The following ARHGEF12 variants were observed in gnomAD, a reference collection of about 807,000 sequenced individuals.
ARHGEF12 encodes the protein Rho guanine nucleotide exchange factor 12, also known as KMT2A/ARHGEF12 fusion protein.
ARHGEF12 carries 66 observed loss-of-function variants against 211.2 expected under a neutral mutation model. The observed-to-expected ratio is 0.31, with a 90% CI of 0.26 to 0.38. The LOEUF is 0.38. Among genes scored for constraint, ARHGEF12 ranks in the 10% least tolerant of loss-of-function variants. The pLI is 1.00. For synonymous variants in ARHGEF12, 592 were observed against 638.4 expected (o/e 0.93, Z 1.09); for missense variants, 1,429 against 1,869.5 (o/e 0.76, Z 4.34).
rs963007055 is a variant in ARHGEF12 at position 120,406,128 on chromosome 11, A to G, written c.43A>G (p.Lys15Glu). 1 of 1,539,812 alleles carries G rather than the reference A, an allele frequency of 6.5e-7. No individual in the cohort carries two copies. Among genetic ancestry groups the G allele is most frequent in the Non-Finnish European group, 8.7e-7 (1 of 1,147,868 alleles). ...TTTTCTTTGTTTCAGGTTTCCCCTC[A>G]AAAAACCTATAAGGTAAGTTTGCTC... ...QSTITDRFPLKKPIRHGSILN... is the reference protein window; with the variant it reads ...QSTITDRFPLEKPIRHGSILN... Residue 15 changes from lysine (K) to glutamate (E), a missense_variant, in exon 2 of 41, where the codon AAA (lysine) becomes GAA (glutamate). Physicochemically the swap from Lys to Glu is moderately conservative, Grantham distance 56. This residue lies in a region of ARHGEF12 where 41 missense variants were observed against 48.6 expected (regional missense o/e 0.84). Transcript: ENST00000397843.
At chr11:120,471,177 T>G (rs1278581739) in intron 30 of ARHGEF12, among the ~76,000 whole-genome samples, 1 of 152,180 alleles carries the variant, frequency 6.6e-6, no homozygotes, top group South Asian at 2.1e-4. Context: ...TTATAGCAAC[T>G]TTATTCATAA....
chr11:120,433,819 G>C (rs181166896), intron 11 of ARHGEF12, among the ~76,000 whole-genome samples: 1 of 152,252 alleles, frequency 6.6e-6, no homozygotes, highest in Non-Finnish European at 1.5e-5. Context: ...TTAACTGGGT[G>C]TGGTGGCACA....
intron 1 of ARHGEF12, among the ~76,000 whole-genome samples, chr11:120,395,974 G>C (rs1944372132): frequency 6.6e-6 from 1 of 152,096 alleles, no homozygotes; most frequent in Non-Finnish European, 1.5e-5. Context: ...AGCGCACCCA[G>C]CTCCTGGATC....
chr11:120,479,732 C>T (rs769065017), intron 37 of ARHGEF12, among the ~76,000 whole-genome samples: 2 of 152,050 alleles, frequency 1.3e-5, no homozygotes, highest in South Asian at 2.1e-4. Flanking sequence ...TTTAGTTTAA[C>T]GTTAAATCTT....
At chr11:120,375,917 C>A (rs1407483570) in intron 1 of ARHGEF12, among the ~76,000 whole-genome samples, 1 of 151,962 alleles carries the variant, frequency 6.6e-6, no homozygotes, top group Admixed American at 6.6e-5. Context: ...GTAGGATGCC[C>A]CTATATTAGA....
chr11:120,362,657 A>T (rs996840501), intron 1 of ARHGEF12, among the ~76,000 whole-genome samples: 3 of 152,196 alleles, frequency 2.0e-5, no homozygotes, highest in Non-Finnish European at 2.9e-5. Flanking sequence ...TATACAAAAC[A>T]ATTATTATTT....
At chr11:120,415,175 GT>G (rs775158353) in intron 4 of ARHGEF12, among the ~76,000 whole-genome samples, 9 of 151,326 alleles carry the variant, frequency 5.9e-5, no homozygotes, top group South Asian at 2.1e-4. Context: ...TGGTTTTTGG[GT>G]TTTTTTTTAA....
At chr11:120,361,732 C>G (rs1346607320) in intron 1 of ARHGEF12, among the ~76,000 whole-genome samples, 1 of 152,182 alleles carries the variant, frequency 6.6e-6, no homozygotes, top group Non-Finnish European at 1.5e-5. Context: ...GTTCTAGTTT[C>G]ACATTTATCT....
At chr11:120,409,264 G>A in intron 3 of ARHGEF12, 130 bp from the exon 4 acceptor site, 2 of 795,408 alleles carry the variant, frequency 2.5e-6, no homozygotes, top group Non-Finnish European at 4.1e-6. Context: ...GCTGTCATCT[G>A]TTATGTTCAT....
chr11:120,446,344 C>T, intron 16 of ARHGEF12, 59 bp from the exon 17 acceptor site: 2 of 1,338,832 alleles, frequency 1.5e-6, no homozygotes, highest in South Asian at 1.4e-5. Flanking sequence ...TGCTATGTTG[C>T]CAATTGTATG....
rs749219008 is a variant in ARHGEF12, at chr11:120,480,030, A to G, written c.3837A>G (p.Gln1279=). 3 of 1,614,066 alleles carry G rather than the reference A, an allele frequency of 1.9e-6. No individual in the cohort carries two copies. Among genetic ancestry groups the G allele is most frequent in the Non-Finnish European group, 2.5e-6 (3 of 1,180,036 alleles). Reference sequence around the variant, plus strand: ...AGAAGAGCGTTCAGGAAGACTGGCAACATTTCCCAAGATACAGAACAGCCT... The same window carrying G: ...AGAAGAGCGTTCAGGAAGACTGGCAGCATTTCCCAAGATACAGAACAGCCT... The part of the protein sequence containing the change: ...LTEKSVQEDW[Q]HFPRYRTASQ... Residue 1279 remains glutamine (Q), a synonymous_variant, in exon 38 of 41, where the codon CAA becomes CAG. Coordinates refer to ENST00000397843, the MANE Select transcript of ARHGEF12 (RefSeq NM_015313.3).
At chr11:120,455,996 G>A (rs1016452766) in intron 22 of ARHGEF12, among the ~76,000 whole-genome samples, 1 of 152,164 alleles carries the variant, frequency 6.6e-6, no homozygotes, top group South Asian at 2.1e-4. Context: ...GTGGCCCATG[G>A]ATTGCATCAT....
chr11:120,337,719 C>T (rs189964834), intron 1 of ARHGEF12: 2 of 985,264 alleles, frequency 2.0e-6, no homozygotes, highest in Admixed American at 1.2e-4. Flanking sequence ...TAATGTTGAG[C>T]CTACTGCATG....
At chr11:120,484,571 T>C (rs901226761) in intron 40 of ARHGEF12, 64 bp downstream of exon 40, 23 of 1,399,076 alleles carry the variant, frequency 1.6e-5, no homozygotes, top group African/African-American at 4.3e-5. Context: ...AAATGACTTA[T>C]CATACTTTGA....
At chr11:120,446,570 A>G (rs1946053748) in intron 17 of ARHGEF12, 62 bp downstream of exon 17, 2 of 1,325,090 alleles carry the variant, frequency 1.5e-6, no homozygotes, top group Non-Finnish European at 2.1e-6. Context: ...TTAGTTAAGA[A>G]AAAGTTGCTC....
Position 120,428,328 on chromosome 11 carries a change from C to T in ARHGEF12, c.585+81C>T, listed in dbSNP as rs867492690. 402 of 1,187,170 alleles carry T rather than the reference C, an allele frequency of 3.4e-4. 2 individuals carry two copies. Among genetic ancestry groups the T allele is most frequent in the Middle Eastern group, 2.3e-4 (1 of 4,400 alleles). The allele number at this position is 1,187,170 out of a possible 1,614,324, so 73.5% of individuals were successfully genotyped here. The stretch of plus-strand genomic sequence containing the variant: ...TTTATATGGAGAGTTTTCAAGTATT[C>T]GGCTGATGAACTAATTAAATTTAAG... On this transcript the variant is annotated intron_variant, in intron 8 of 40. Coordinates refer to ENST00000397843, the MANE Select transcript of ARHGEF12 (RefSeq NM_015313.3).
At chr11:120,449,773 C>T (rs1591607102) in intron 21 of ARHGEF12, 1 of 151,280 alleles carries the variant, frequency 6.6e-6, no homozygotes. Flanking sequence ...TGTCAAATGT[C>T]CGTAACATAG....
At chr11:120,350,844 T>C (rs1326346699) in intron 1 of ARHGEF12, among the ~76,000 whole-genome samples, 1 of 152,138 alleles carries the variant, frequency 6.6e-6, no homozygotes, top group Non-Finnish European at 1.5e-5. Context: ...TATCAGTCTC[T>C]TGGAAATAGC....
At chr11:120,381,534 A>T (rs1436516481) in intron 1 of ARHGEF12, among the ~76,000 whole-genome samples, 3 of 152,176 alleles carry the variant, frequency 2.0e-5, no homozygotes, top group Non-Finnish European at 2.9e-5. Flanking sequence ...TTGTTAGGTA[A>T]GCTCCTTTTT....
Sources: allele counts gnomAD v4.1 joint callset (sites outside exome capture counted in the v4.1 genomes callset), GRCh38; gene constraint gnomAD v4.1.1; regional missense constraint gnomAD v4.1.1; transcripts MANE v1.5; gene names NCBI Gene and HGNC (gene_info 2026-07-23, HGNC 2026-07-21).